The following TRMO variants were observed in gnomAD, a reference collection of about 807,000 sequenced individuals.
The protein encoded by TRMO is tRNA (adenine(37)-N6)-methyltransferase.
Under a neutral mutation model 37.2 loss-of-function variants are expected in TRMO, and 30 were observed. The observed-to-expected ratio is 0.81, with a 90% confidence interval of 0.60 to 1.09. The LOEUF is 1.09. Ranked by LOEUF, TRMO falls within the 50% of genes least tolerant of loss-of-function variation. The pLI is 0.00. For missense variants in TRMO, 552 were observed against 549.5 expected (o/e 1.00, Z -0.05); for synonymous variants, 239 against 199.4 (o/e 1.20, Z -1.67).
In TRMO at chr9:97,904,550, AT is replaced by A; in HGVS notation, c.*182del. 1 of 1,415,502 alleles carries A rather than the reference AT, an allele frequency of 7.1e-7. No individual in the cohort carries two copies. Among genetic ancestry groups the A allele is most frequent in the Non-Finnish European group, 9.2e-7 (1 of 1,088,654 alleles). The allele number at this position is 1,415,502 out of a possible 1,614,324, so 87.7% of individuals were successfully genotyped here. ...GCATTTGGTGATTTCTCTGTATTTT[AT>A]ATCTCTTTGTTAAGTTTATTAATGT... On this transcript the variant is annotated 3_prime_UTR_variant, in exon 5 of 5. Coordinates refer to ENST00000375119, the MANE Select transcript of TRMO (RefSeq NM_016481.5).
At chr9:97,898,288 G>C in the TRMO span, among the ~76,000 whole-genome samples, 1 of 152,102 alleles carries the variant, frequency 6.6e-6, no homozygotes, top group Admixed American at 6.6e-5. Context: ...ATAAGAATAG[G>C]GTAAATGCTG....
chr9:97,897,592 CATA>C, the TRMO span, among the ~76,000 whole-genome samples: 1 of 152,160 alleles, frequency 6.6e-6, no homozygotes, highest in African/African-American at 2.4e-5. Context: ...ACAATTAATC[CATA>C]ATATTACTGA....
chr9:97,910,379 T>G lies in TRMO; in HGVS notation c.647A>C (p.Lys216Thr). The change falls in exon 4 of 5, where the codon AAG (lysine) becomes ACG (threonine). Residue 216 changes from lysine (K) to threonine (T), a missense_variant. Physicochemically the swap from Lys to Thr is moderately conservative, Grantham distance 78. Coordinates refer to ENST00000375119, the MANE Select transcript of TRMO (RefSeq NM_016481.5). ...GTCTTCAGGACATTTAGGTTTCCTC[T>G]TAGTGCTATGGTGGGGTTGTGGCTC... ...CDEPQPHHST[K>T]RKPKCPEDRT... 1 of 1,614,232 alleles carries G rather than the reference T, an allele frequency of 6.2e-7. No individual in the cohort carries two copies. The highest frequency in any genetic ancestry group is 2.2e-5 in the East Asian group (1 of 44,888).
chr9:97,905,718 C>T (rs377336066), intron 4 of TRMO, among the ~76,000 whole-genome samples: 1 of 152,190 alleles, frequency 6.6e-6, no homozygotes, highest in Non-Finnish European at 1.5e-5. Context: ...ACTGTCCCTG[C>T]TCAAAATATC....
intron 1 of TRMO, among the ~76,000 whole-genome samples, chr9:97,917,967 C>T (rs1372302852): frequency 5.3e-5 from 8 of 151,028 alleles, no homozygotes; most frequent in Admixed American, 3.3e-4. Context: ...CAGGTGTGAG[C>T]CACCACACCT....
chr9:97,909,041 G>A (rs1179576009), intron 4 of TRMO, among the ~76,000 whole-genome samples: 1 of 152,138 alleles, frequency 6.6e-6, no homozygotes, highest in Non-Finnish European at 1.5e-5. Flanking sequence ...TGTAACCTCT[G>A]CCTCCTAGGT....
intron 1 of TRMO, among the ~76,000 whole-genome samples, chr9:97,922,154 T>G (rs1048461678): frequency 1.3e-5 from 2 of 152,184 alleles, no homozygotes; most frequent in African/African-American, 4.8e-5. Flanking sequence ...GCCCCTACGC[T>G]GCACGTAGCT....
rs533938200 is a variant in TRMO at position 97,909,655 on chromosome 9, T to A, written c.1066+305A>T. On this transcript the variant is annotated intron_variant, in intron 4 of 4. Transcript: ENST00000375119. ...AGCACAATTTAGCTTCTGAATGATA[T>A]TTGAAGACTCTAAGAACTACTGTAG... 1.1e-4 allele frequency among the ~76,000 whole-genome samples: 17 copies of A among 152,326 alleles called. No individual in the cohort carries two copies. In the South Asian group the frequency reaches 3.3e-3, roughly 30 times the overall value.
chr9:97,906,863 GAA>G (rs1825878662), intron 4 of TRMO, among the ~76,000 whole-genome samples: 1 of 148,944 alleles, frequency 6.7e-6, no homozygotes, highest in African/African-American at 2.5e-5. Flanking sequence ...AAAAAAGAAA[GAA>G]AGAAAAAAGA....
At chr9:97,912,650 A>G (rs1452254250) in intron 3 of TRMO, 2 of 296,108 alleles carry the variant, frequency 6.8e-6, no homozygotes, top group Non-Finnish European at 1.4e-5. Flanking sequence ...GATTCTCAAA[A>G]TATTCTGTGG....
chr9:97,900,490 C>A (rs1358480994), downstream of TRMO, among the ~76,000 whole-genome samples: 1 of 152,212 alleles, frequency 6.6e-6, no homozygotes, highest in Non-Finnish European at 1.5e-5. Context: ...GTTGGATTTC[C>A]ATGGACTTCA....
At chr9:97,917,097 G>A (rs557576003) in intron 1 of TRMO, among the ~76,000 whole-genome samples, 2 of 152,162 alleles carry the variant, frequency 1.3e-5, no homozygotes, top group South Asian at 4.1e-4. Flanking sequence ...GGCCTATGAG[G>A]GTATTTCTAA....
intron 1 of TRMO, among the ~76,000 whole-genome samples, chr9:97,921,675 C>A (rs1428225520): frequency 6.6e-6 from 1 of 152,092 alleles, no homozygotes; most frequent in African/African-American, 2.4e-5. Flanking sequence ...CCGCCCACCT[C>A]GGCCTCCCAA....
At chr9:97,911,842 C>T (rs978238162) in intron 3 of TRMO, 2 of 152,316 alleles carry the variant, frequency 1.3e-5, no homozygotes. Flanking sequence ...AGAAAAACTA[C>T]ATGCAGTCAC....
At chr9:97,897,753 TTGGA>T in the TRMO span, among the ~76,000 whole-genome samples, 1 of 152,252 alleles carries the variant, frequency 6.6e-6, no homozygotes, top group Admixed American at 6.5e-5. Context: ...ATATCTTGAA[TTGGA>T]TGAAGAGTTA....
At position 97,912,876 on chromosome 9, in the gene TRMO, AC is replaced by A. The variant is rs1434179958; in HGVS notation, c.409+524del. The A allele has an allele frequency of 9.9e-5, 128 of 1,288,216 alleles. No homozygotes were observed. In the African/African-American group the frequency reaches 1.1e-3, roughly 11 times the overall value. The allele number at this position is 1,288,216 out of a possible 1,614,324, so 79.8% of individuals were successfully genotyped here. A position where few individuals can be genotyped will look rare whatever the true frequency, so the allele number is the denominator to read the frequency against. ...ACTAGTTTAAAACTTCTACAACCTG[AC>A]CAATGTTTGTCCTTGTAGTGTGATT... is the stretch of plus-strand genomic sequence containing the variant. On this transcript the variant is annotated intron_variant, in intron 3 of 4. Coordinates refer to ENST00000375119, the MANE Select transcript of TRMO (RefSeq NM_016481.5).
chr9:97,916,697 ATTTC>A (rs1240682871), intron 1 of TRMO, among the ~76,000 whole-genome samples: 28 of 135,936 alleles, frequency 2.1e-4, no homozygotes, highest in Non-Finnish European at 2.6e-4. Flanking sequence ...CTATGAGCGT[ATTTC>A]TTTCTTTTTT....
At chr9:97,900,555 C>T (rs1043091269), downstream of TRMO, among the ~76,000 whole-genome samples, 1 of 152,230 alleles carries the variant, frequency 6.6e-6, no homozygotes, top group African/African-American at 2.4e-5. Flanking sequence ...TTCCAATAAA[C>T]CAGCATGATT....
chr9:97,908,424 A>C (rs1047186560), intron 4 of TRMO, among the ~76,000 whole-genome samples: 2 of 151,674 alleles, frequency 1.3e-5, no homozygotes, highest in African/African-American at 4.8e-5. Context: ...AAAAAAAAAA[A>C]AAAAAAATCA....
Sources: allele counts gnomAD v4.1 joint callset (sites outside exome capture counted in the v4.1 genomes callset), GRCh38; gene constraint gnomAD v4.1.1; transcripts MANE v1.5; gene names NCBI Gene and HGNC (gene_info 2026-07-23, HGNC 2026-07-21).